Variants in SLC44A1 observed in about 807,000 individuals in gnomAD.
SLC44A1 encodes choline transporter-like protein 1.
In SLC44A1, 26 loss-of-function variants were observed where a neutral mutation model predicts 79.3. That is an observed-to-expected ratio of 0.33 (90% confidence interval 0.24 to 0.46). SLC44A1 has a LOEUF of 0.46. Among genes scored for constraint, SLC44A1 ranks in the 20% least tolerant of loss-of-function variants. SLC44A1 has a pLI of 1.00. For synonymous variants in SLC44A1, 263 were observed against 286.2 expected (o/e 0.92, Z 0.82); for missense variants, 688 against 798.1 (o/e 0.86, Z 1.66).
chr9:105,348,519 G>A (rs747479186), intron 5 of SLC44A1, 68 bp downstream of exon 5: 1 of 964,436 alleles, frequency 1.0e-6, no homozygotes, highest in Admixed American at 1.8e-5. Context: ...AACAATATAT[G>A]TTATTCTGAG....
At chr9:105,259,655 C>CT (rs1223740326) in intron 1 of SLC44A1, among the ~76,000 whole-genome samples, 1 of 152,136 alleles carries the variant, frequency 6.6e-6, no homozygotes, top group African/African-American at 2.4e-5. Flanking sequence ...CATGACAATT[C>CT]TGAAACCACA....
chr9:105,362,555 T>A (rs1827813931), intron 8 of SLC44A1, among the ~76,000 whole-genome samples: 1 of 152,066 alleles, frequency 6.6e-6, no homozygotes, highest in Non-Finnish European at 1.5e-5. Flanking sequence ...TCATAATGAG[T>A]GGCAAAGGGA....
intron 3 of SLC44A1, among the ~76,000 whole-genome samples, chr9:105,313,427 C>T (rs1404411867): frequency 6.7e-6 from 1 of 149,516 alleles, no homozygotes; most frequent in Non-Finnish European, 1.5e-5. Context: ...TCTTCAGCCA[C>T]AGAGTCTCTC....
intron 3 of SLC44A1, among the ~76,000 whole-genome samples, chr9:105,329,066 C>T (rs766051075): frequency 8.1e-4 from 123 of 152,262 alleles, no homozygotes; most frequent in Non-Finnish European, 1.3e-3. Flanking sequence ...GGCAGAATTC[C>T]GCTGTGGGTG....
chr9:105,403,977 G>A (rs1828994500), intron 15 of SLC44A1, among the ~76,000 whole-genome samples: 1 of 151,900 alleles, frequency 6.6e-6, no homozygotes, highest in Non-Finnish European at 1.5e-5. Flanking sequence ...GGAGATATTT[G>A]CCTTTCAGGG....
chr9:105,346,008 A>G (rs1027727672), intron 4 of SLC44A1, among the ~76,000 whole-genome samples: 2 of 150,872 alleles, frequency 1.3e-5, no homozygotes, highest in Non-Finnish European at 1.5e-5. Context: ...AAAAAAAAAA[A>G]CACATACTAC....
intron 3 of SLC44A1, among the ~76,000 whole-genome samples, chr9:105,313,401 A>T (rs1831232318): frequency 6.6e-6 from 1 of 152,148 alleles, no homozygotes; most frequent in South Asian, 2.1e-4. Flanking sequence ...AGAAATCTGG[A>T]TGTGGCTTAC....
intron 12 of SLC44A1, among the ~76,000 whole-genome samples, chr9:105,368,506 G>C (rs1348745516): frequency 1.3e-5 from 2 of 152,122 alleles, no homozygotes; most frequent in African/African-American, 4.8e-5. Context: ...AGAAAATTGA[G>C]ACTGGCATCT....
rs372767117 is a variant in SLC44A1, at chr9:105,265,086, G to A, written c.36+20182G>A. On this transcript the variant is annotated intron_variant, in intron 1 of 15. Coordinates refer to ENST00000374720, the MANE Select transcript of SLC44A1 (RefSeq NM_080546.5). ...GCTGGGATTACAGGTGTGAGCCACC[G>A]TGCCAGGCCCATTCTTTCTTGTATT... Among the ~76,000 whole-genome samples the A allele has an allele frequency of 2.4e-4, 36 of 152,262 alleles. No homozygotes were observed. The East Asian group carries it at 2.9e-3, about 12-fold the overall frequency.
At chr9:105,271,536 T>C (rs1830076995) in intron 1 of SLC44A1, among the ~76,000 whole-genome samples, 1 of 152,246 alleles carries the variant, frequency 6.6e-6, no homozygotes, top group South Asian at 2.1e-4. Flanking sequence ...GTAATGTGTT[T>C]GGCAAAAGTG....
At chr9:105,353,843 G>A (rs1029902001) in intron 5 of SLC44A1, among the ~76,000 whole-genome samples, 7 of 151,944 alleles carry the variant, frequency 4.6e-5, no homozygotes, top group Non-Finnish European at 8.8e-5. Flanking sequence ...GAAACAGAGA[G>A]GATTTTAGTT....
At chr9:105,281,394 C>G (rs1830347333) in intron 1 of SLC44A1, among the ~76,000 whole-genome samples, 3 of 151,982 alleles carry the variant, frequency 2.0e-5, no homozygotes, top group Admixed American at 2.0e-4. Flanking sequence ...TTTTTACTAT[C>G]TTTTTGATAT....
chr9:105,432,925 A>C (rs1829415790), intron 15 of SLC44A1, among the ~76,000 whole-genome samples: 1 of 152,188 alleles, frequency 6.6e-6, no homozygotes, highest in Non-Finnish European at 1.5e-5. Context: ...AAGAGAGAAA[A>C]GGCAAGCCAC....
At position 105,244,781 on chromosome 9, in the gene SLC44A1, TC is replaced by T. The variant is rs1829383014; in HGVS notation, c.-84del. 4 of 790,538 alleles carry T rather than the reference TC, an allele frequency of 5.1e-6. No homozygotes were observed. Among genetic ancestry groups the T allele is most frequent in the East Asian group, 5.0e-5 (1 of 20,100 alleles). 49.0% of individuals were successfully genotyped at this position (790,538 alleles called of 1,614,324 possible). A position where few individuals can be genotyped will look rare whatever the true frequency, so the allele number is the denominator to read the frequency against. ...AGCCGTGCGGTGCCAGGCCGCGCCC[TC>T]CCCGGGCGCCCGCCGGCTCGCATGC... On this transcript the variant is annotated 5_prime_UTR_variant, in exon 1 of 16. Coordinates refer to ENST00000374720, the MANE Select transcript of SLC44A1 (RefSeq NM_080546.5).
chr9:105,349,859 G>A (rs1827351639), intron 5 of SLC44A1, among the ~76,000 whole-genome samples: 1 of 152,142 alleles, frequency 6.6e-6, no homozygotes, highest in South Asian at 2.1e-4. Context: ...GGGGCAGGAT[G>A]TCAGGTGGGG....
downstream of SLC44A1, among the ~76,000 whole-genome samples, chr9:105,402,088 G>A (rs1034620490): frequency 7.9e-5 from 12 of 152,218 alleles, no homozygotes; most frequent in African/African-American, 2.7e-4. Context: ...GATGTCCAGA[G>A]CAAAGAAGAT....
intron 1 of SLC44A1, among the ~76,000 whole-genome samples, chr9:105,284,808 A>C (rs181468120): frequency 7.2e-5 from 11 of 152,332 alleles, no homozygotes; most frequent in African/African-American, 2.6e-4. Flanking sequence ...ATTGAGATAT[A>C]ATTCATATAC....
chr9:105,246,644 T>C (rs1829460064), intron 1 of SLC44A1, among the ~76,000 whole-genome samples: 1 of 152,198 alleles, frequency 6.6e-6, no homozygotes, highest in Non-Finnish European at 1.5e-5. Context: ...AGTATAATTT[T>C]CACCAAAAAG....
At chr9:105,425,987 G>A (rs1347067985) in intron 15 of SLC44A1, among the ~76,000 whole-genome samples, 1 of 152,192 alleles carries the variant, frequency 6.6e-6, no homozygotes, top group African/African-American at 2.4e-5. Flanking sequence ...ATCTGTGTAA[G>A]TAACATGATC....
Sources: allele counts gnomAD v4.1 joint callset (sites outside exome capture counted in the v4.1 genomes callset), GRCh38; gene constraint gnomAD v4.1.1; transcripts MANE v1.5; gene names NCBI Gene and HGNC (gene_info 2026-07-23, HGNC 2026-07-21).